TNIP1: variants seen among roughly 807,000 people sequenced by gnomAD.
TNIP1 encodes TNFAIP3 interacting protein 1, also known as TNFAIP3-interacting protein 1.
A neutral mutation model predicts 86.6 loss-of-function variants in TNIP1; 22 were observed. That is an observed-to-expected ratio of 0.25 (90% CI 0.18 to 0.36). The LOEUF is 0.36. Ranked by LOEUF, TNIP1 falls within the 10% of genes least tolerant of loss-of-function variation. The pLI is 1.00. For missense variants in TNIP1, 709 were observed against 820.6 expected (o/e 0.86, Z 1.66); for synonymous variants, 294 against 313.0 (o/e 0.94, Z 0.64).
At chr5:151,036,763 C>T (rs753732131) in intron 13 of TNIP1, 27 bp downstream of exon 13, 21 of 1,613,810 alleles carry the variant, frequency 1.3e-5, no homozygotes, top group Non-Finnish European at 1.6e-5. Context: ...GAGCACCTCC[C>T]ACCTGATTTC....
At chr5:151,069,706 G>A (rs1301250238) in intron 1 of TNIP1, among the ~76,000 whole-genome samples, 1 of 152,166 alleles carries the variant, frequency 6.6e-6, no homozygotes, top group Non-Finnish European at 1.5e-5. Flanking sequence ...GGCTGGCAGA[G>A]GGGGTATAGG....
chr5:151,071,856 A>C (rs1463409423), intron 1 of TNIP1, among the ~76,000 whole-genome samples: 1 of 152,144 alleles, frequency 6.6e-6, no homozygotes, highest in Non-Finnish European at 1.5e-5. Context: ...ACCACCCGCT[A>C]AACACCTGAG....
upstream of TNIP1, among the ~76,000 whole-genome samples, chr5:151,081,254 C>G (rs777486680): frequency 1.4e-4 from 22 of 152,112 alleles, no homozygotes; most frequent in Non-Finnish European, 2.9e-4. Context: ...GCCACCGTCC[C>G]GGGCCTGCGC....
intron 1 of TNIP1, among the ~76,000 whole-genome samples, chr5:151,068,028 G>A (rs1762436621): frequency 6.6e-6 from 1 of 152,194 alleles, no homozygotes; most frequent in South Asian, 2.1e-4. Context: ...ACGGGAAAGG[G>A]GTTCATGGGA....
At chr5:151,081,775 G>A (rs1466157002), upstream of TNIP1, among the ~76,000 whole-genome samples, 1 of 152,158 alleles carries the variant, frequency 6.6e-6, no homozygotes, top group Non-Finnish European at 1.5e-5. Context: ...CAAATCCAGA[G>A]GCCGCCTTCC....
intron 15 of TNIP1, chr5:151,034,756 A>G (rs1184461772): frequency 1.9e-6 from 1 of 516,214 alleles, no homozygotes; most frequent in African/African-American, 1.9e-5. Context: ...TACACGGCCA[A>G]AGAAGGCTAG....
At chr5:151,063,812 C>T in intron 2 of TNIP1, 65 bp from the exon 3 acceptor site, 12 of 1,581,690 alleles carry the variant, frequency 7.6e-6, no homozygotes, top group Non-Finnish European at 9.5e-6. Flanking sequence ...TTCTCCCCGT[C>T]CCAGGCCCCT....
Position 151,049,905 on chromosome 5 carries a change from G to A in TNIP1, c.765C>T (p.Gly255=), listed in dbSNP as rs758106396. The change falls in exon 8 of 18, where the codon GGC becomes GGT. Residue 255 remains glycine (G), a synonymous_variant. Coordinates refer to ENST00000521591, the MANE Select transcript of TNIP1 (RefSeq NM_006058.5). ...LELKKLLMSN[G]NKEGASGRPG... ...GCCGCCCAGACGCACCCTCTTTGTT[G>A]CCATTGCTCATCAACAACTTCTTGA... 1.2e-6 allele frequency: 2 copies of A among 1,614,132 alleles called. No individual in the cohort carries two copies. Among genetic ancestry groups the A allele is most frequent in the East Asian group, 4.5e-5 (2 of 44,888 alleles).
intron 16 of TNIP1, 38 bp from the exon 17 acceptor site, chr5:151,032,421 C>T: frequency 1.9e-6 from 3 of 1,595,596 alleles, no homozygotes; most frequent in Non-Finnish European, 2.6e-6. Context: ...AATAATCACA[C>T]CCAAAAATTA....
chr5:151,087,394 TG>T (rs1764315947), upstream of TNIP1, among the ~76,000 whole-genome samples: 1 of 152,064 alleles, frequency 6.6e-6, no homozygotes, highest in Non-Finnish European at 1.5e-5. Context: ...GGAGAAGAGT[TG>T]GAAGCCTGAT....
intron 12 of TNIP1, chr5:151,037,465 C>G (rs966749489): frequency 6.6e-6 from 1 of 152,428 alleles, no homozygotes; most frequent in African/African-American, 2.4e-5. Context: ...ATCCTCAACA[C>G]TTATGTACAT....
At chr5:151,081,369 C>T (rs183276918), upstream of TNIP1, among the ~76,000 whole-genome samples, 2 of 152,248 alleles carry the variant, frequency 1.3e-5, no homozygotes, top group Admixed American at 1.3e-4. Flanking sequence ...ACCACCCAGC[C>T]CCTTCCTTGT....
chr5:151,065,149 G>A lies in TNIP1; in HGVS notation c.-36-18C>T. On this transcript the variant is annotated intron_variant, in intron 1 of 17. Coordinates refer to ENST00000521591, the MANE Select transcript of TNIP1 (RefSeq NM_006058.5). ...CCGCCTGGCTGTAAGGACAACAGCA[G>A]CATATCAGCAGGCTGGCCAGGCCAT... is the stretch of plus-strand genomic sequence containing the variant. The A allele has an allele frequency of 6.3e-7, 1 of 1,590,816 alleles. No homozygotes were observed. The highest frequency in any genetic ancestry group is 8.6e-7 in the Non-Finnish European group (1 of 1,168,340).
chr5:151,076,641 T>A (rs1266919522), intron 1 of TNIP1, among the ~76,000 whole-genome samples: 1 of 152,158 alleles, frequency 6.6e-6, no homozygotes, highest in Non-Finnish European at 1.5e-5. Context: ...TACCACACCA[T>A]GCTACTGCTC....
Position 151,030,075 on chromosome 5 carries a change from G to T in TNIP1, c.*638C>A, listed in dbSNP as rs1561792260. 1.5e-5 allele frequency: 7 copies of T among 456,768 alleles called. No homozygotes were observed. Among genetic ancestry groups the T allele is most frequent in the Non-Finnish European group, 2.6e-5 (6 of 226,990 alleles). The allele number at this position is 456,768 out of a possible 1,614,324, so 28.3% of individuals were successfully genotyped here. On this transcript the variant is annotated 3_prime_UTR_variant, in exon 18 of 18. Transcript: ENST00000521591. ...TGGGGTCCAGGGTCTGAACCTCAGG[G>T]CCTGGCAGCTTCAGGCTGGCGCCCC...
intron 14 of TNIP1, 88 bp from the exon 15 acceptor site, chr5:151,035,155 T>C (rs1757530969): frequency 5.6e-6 from 8 of 1,433,540 alleles, no homozygotes; most frequent in Non-Finnish European, 7.7e-6. Context: ...CCACGAGGAC[T>C]GACCGGCTGA....
chr5:151,080,169 T>C (rs1449174209), intron 1 of TNIP1: 1 of 152,256 alleles, frequency 6.6e-6, no homozygotes, highest in Non-Finnish European at 1.5e-5. Context: ...TCAGCCTTCA[T>C]ACTCCATCCC....
At chr5:151,070,803 CG>C (rs996329035) in intron 1 of TNIP1, among the ~76,000 whole-genome samples, 1 of 152,080 alleles carries the variant, frequency 6.6e-6, no homozygotes, top group Non-Finnish European at 1.5e-5. Flanking sequence ...CATCAAAGGC[CG>C]GGTTGGATTT....
intron 5 of TNIP1, among the ~76,000 whole-genome samples, chr5:151,059,815 GA>G: frequency 2.6e-5 from 3 of 116,160 alleles, no homozygotes; most frequent in Admixed American, 1.8e-4. Flanking sequence ...GAGAGAGAGA[GA>G]GAGAGAGAGA....
Sources: gnomAD v4.1 joint callset for allele counts (sites outside exome capture counted in the v4.1 genomes callset) on GRCh38, gnomAD v4.1.1 for gene constraint, MANE v1.5 for transcripts, NCBI Gene and HGNC (gene_info 2026-07-23, HGNC 2026-07-21) for gene names.